The following NKD1 variants were observed in gnomAD, a reference collection of about 807,000 sequenced individuals.
NKD1 encodes protein naked cuticle homolog 1.
NKD1 carries 21 observed loss-of-function variants against 56.0 expected under a neutral mutation model. That is an observed-to-expected ratio of 0.38 (90% confidence interval 0.27 to 0.54). NKD1 has a LOEUF of 0.54. Among genes scored for constraint, NKD1 ranks in the 20% least tolerant of loss-of-function variants. The probability of loss-of-function intolerance (pLI) is 0.82; values close to 1 mark genes in which losing one functional copy is unlikely to be tolerated. For synonymous variants in NKD1, 263 were observed against 265.7 expected (o/e 0.99, Z 0.10); for missense variants, 578 against 642.7 (o/e 0.90, Z 1.09).
intron 3 of NKD1, among the ~76,000 whole-genome samples, chr16:50,601,989 C>G (rs1267043626): frequency 6.6e-6 from 1 of 152,210 alleles, no homozygotes; most frequent in Non-Finnish European, 1.5e-5. Context: ...GCCTGCCATG[C>G]CCTCTTTCCA....
At chr16:50,614,649 G>A (rs1961922231) in intron 4 of NKD1, among the ~76,000 whole-genome samples, 1 of 151,298 alleles carries the variant, frequency 6.6e-6, no homozygotes, top group Non-Finnish European at 1.5e-5. Context: ...AGGTTTTATG[G>A]GACCTGAAGC....
Position 50,648,648 on chromosome 16 carries a change from C to A in NKD1, c.*14867C>A, listed in dbSNP as rs1269667510. ...CACTCTTTCTTCCTTGTAATACAGC[C>A]TCTGATTTTGAGCCCAAGAATAAAG... On this transcript the variant is annotated 3_prime_UTR_variant, in exon 10 of 10. Coordinates refer to ENST00000268459, the MANE Select transcript of NKD1 (RefSeq NM_033119.5). The A allele has an allele frequency of 6.6e-6, 1 of 152,218 alleles. No individual in the cohort carries two copies. The highest frequency in any genetic ancestry group is 2.4e-5 in the African/African-American group (1 of 41,448). 9.4% of individuals were successfully genotyped at this position (152,218 alleles called of 1,614,324 possible).
intron 3 of NKD1, chr16:50,571,366 C>T (rs1376833302): frequency 2.3e-6 from 1 of 441,888 alleles, no homozygotes; most frequent in East Asian, 1.6e-4. Context: ...GCCGCACAGC[C>T]TGGTGGAACC....
intron 3 of NKD1, among the ~76,000 whole-genome samples, chr16:50,599,988 G>A (rs141427175): frequency 2.3e-3 from 356 of 152,208 alleles, no homozygotes; most frequent in Middle Eastern, 6.8e-3. Flanking sequence ...GGGTGGCCAG[G>A]TGGGAAGGTT....
Position 50,647,112 on chromosome 16 carries a change from A to G in NKD1, c.*13331A>G, listed in dbSNP as rs1168919981. 6.6e-6 allele frequency: 1 copy of G among 152,250 alleles called. No homozygotes were observed. The highest frequency in any genetic ancestry group is 2.4e-5 in the African/African-American group (1 of 41,466). 9.4% of individuals were successfully genotyped at this position (152,250 alleles called of 1,614,324 possible). On this transcript the variant is annotated 3_prime_UTR_variant, in exon 10 of 10. Coordinates refer to ENST00000268459, the MANE Select transcript of NKD1 (RefSeq NM_033119.5). ...CTATATTACATATCTACAGTGGTAGAGTCATACTAGAAGACATGATGGGAT... is the reference window on the plus strand; with the variant it reads ...CTATATTACATATCTACAGTGGTAGGGTCATACTAGAAGACATGATGGGAT...
chr16:50,551,658 C>T (rs1232668864), intron 3 of NKD1, among the ~76,000 whole-genome samples: 1 of 151,904 alleles, frequency 6.6e-6, no homozygotes, highest in East Asian at 1.9e-4. Flanking sequence ...GAACAGCACT[C>T]CAGGCATCCT....
At chr16:50,630,381 G>A (rs139292129) in intron 7 of NKD1, 48 bp downstream of exon 7, 6 of 1,605,094 alleles carry the variant, frequency 3.7e-6, no homozygotes, top group Non-Finnish European at 4.3e-6. Flanking sequence ...TCCCATCTCA[G>A]GAAGGAACAG....
rs145758010 is a variant in NKD1, at chr16:50,587,893, A to G, written c.193-20401A>G. Among the ~76,000 whole-genome samples, 67 of 152,334 alleles carry G rather than the reference A, an allele frequency of 4.4e-4. 1 individual carries two copies. In the East Asian group the frequency reaches 0.011, roughly 25 times the overall value. ...AAGGGATCCAGGTTGTGTGCTCCTT[A>G]TGGAAATCTATCAAATGCCTCATGA... On this transcript the variant is annotated intron_variant, in intron 3 of 9. Coordinates refer to ENST00000268459, the MANE Select transcript of NKD1 (RefSeq NM_033119.5).
intron 3 of NKD1, among the ~76,000 whole-genome samples, chr16:50,600,465 G>GAACCA (rs1027531948): frequency 6.6e-6 from 1 of 151,666 alleles, no homozygotes; most frequent in Admixed American, 6.6e-5. Context: ...CCCCATCTAA[G>GAACCA]AACCAAACCA....
Position 50,632,392 on chromosome 16 carries a change from G to A in NKD1, c.807G>A (p.Thr269=), listed in dbSNP as rs376224008. The A allele has an allele frequency of 3.3e-5, 53 of 1,613,962 alleles. No individual in the cohort carries two copies. The highest frequency in any genetic ancestry group is 4.1e-5 in the Non-Finnish European group (48 of 1,179,982). ...ATCTCGCCGGGATAGAAAACTACAC[G>A]TCCCAATTTGGGCCTGGTAAGGGAC... ...YLDLAGIENY[T]SQFGPGSPSV... The change falls in exon 9 of 10, where the codon ACG becomes ACA. Residue 269 remains threonine, a synonymous_variant. Transcript: ENST00000268459. The surrounding 1 kb of genome is among the most constrained non-coding windows in gnomAD (Gnocchi z 4.1).
At chr16:50,607,729 C>T (rs1961744980) in intron 3 of NKD1, 1 of 153,978 alleles carries the variant, frequency 6.5e-6, no homozygotes, top group African/African-American at 2.4e-5. Context: ...TTAAAAGAAT[C>T]TTCTTTGATC....
Position 50,633,571 on chromosome 16 carries a change from G to T in NKD1, c.1203G>T (p.Lys401Asn). The T allele has an allele frequency of 1.9e-6, 3 of 1,611,530 alleles. No homozygotes were observed. Among genetic ancestry groups the T allele is most frequent in the South Asian group, 2.2e-5 (2 of 90,980 alleles). ...CCCTAGCCCCCCTCGGGCACAAGAA[G>T]CACAAGCACCGAGCCAAGGAGAGCC... ...LPSLAPLGHK[K>N]HKHRAKESQQ... is the part of the protein sequence containing the mutation. Residue 401 changes from lysine (K) to asparagine (N), a missense_variant, in exon 10 of 10, where the codon AAG becomes AAT. Lys to Asn is a moderately conservative substitution (Grantham distance 94). Transcript: ENST00000268459. The surrounding 1 kb of genome is among the most constrained non-coding windows in gnomAD (Gnocchi z 4.9).
chr16:50,616,540 A>G (rs1961964080), intron 4 of NKD1, among the ~76,000 whole-genome samples: 2 of 152,214 alleles, frequency 1.3e-5, no homozygotes, highest in African/African-American at 4.8e-5. Context: ...TACCTGTAGA[A>G]TGTGCTGTAG....
In NKD1 at chr16:50,644,441, A is replaced by G. The variant is rs148051733; in HGVS notation, c.*10660A>G. 119 of 152,340 alleles carry G rather than the reference A, an allele frequency of 7.8e-4. No individual in the cohort carries two copies. The highest frequency in any genetic ancestry group is 2.6e-3 in the African/African-American group (108 of 41,572). 9.4% of individuals were successfully genotyped at this position (152,340 alleles called of 1,614,324 possible). A position where few individuals can be genotyped will look rare whatever the true frequency, so the allele number is the denominator to read the frequency against. On this transcript the variant is annotated 3_prime_UTR_variant, in exon 10 of 10. Transcript: ENST00000268459. ...ACACTCCATGTGTCTTTGTTGATAG[A>G]ATTCATAAAGACAGATGGGAAAAGG...
intron 4 of NKD1, among the ~76,000 whole-genome samples, chr16:50,619,757 TGGG>T: frequency 6.6e-6 from 1 of 152,220 alleles, no homozygotes; most frequent in East Asian, 1.9e-4. Context: ...ATTTTACGGT[TGGG>T]GAAACTGAGA....
At chr16:50,591,812 G>A (rs1961373226) in intron 3 of NKD1, among the ~76,000 whole-genome samples, 1 of 152,220 alleles carries the variant, frequency 6.6e-6, no homozygotes, top group Admixed American at 6.5e-5. Flanking sequence ...GCTGGGGTGC[G>A]AGCCAGGGAG....
chr16:50,581,079 G>GC (rs1316260330), intron 3 of NKD1, among the ~76,000 whole-genome samples: 4 of 152,070 alleles, frequency 2.6e-5, no homozygotes, highest in Non-Finnish European at 5.9e-5. Flanking sequence ...TATTAAACCT[G>GC]CCCCCATTTA....
At chr16:50,551,068 A>G (rs956419876) in intron 3 of NKD1, among the ~76,000 whole-genome samples, 3 of 152,198 alleles carry the variant, frequency 2.0e-5, no homozygotes, top group Non-Finnish European at 2.9e-5. Flanking sequence ...AAGCCATAAC[A>G]AATGTTACCC....
chr16:50,619,177 T>A (rs35268106), intron 4 of NKD1, among the ~76,000 whole-genome samples: 1 of 152,070 alleles, frequency 6.6e-6, no homozygotes, highest in African/African-American at 2.4e-5. Flanking sequence ...CTGGGCTTTG[T>A]TTTTCTTTCT....
Sources: gnomAD v4.1 joint callset for allele counts (sites outside exome capture counted in the v4.1 genomes callset) on GRCh38, gnomAD v4.1.1 for gene constraint, Gnocchi (gnomAD v3.1) non-coding constraint, MANE v1.5 for transcripts, NCBI Gene and HGNC (gene_info 2026-07-23, HGNC 2026-07-21) for gene names.